RAD52: variants seen among roughly 807,000 people sequenced by gnomAD.
RAD52 encodes RAD52 DNA repair protein.
A neutral mutation model predicts 55.5 loss-of-function variants in RAD52; 47 were observed. The ratio of observed to expected loss-of-function variants is 0.85; its 90% CI spans 0.67 to 1.08. RAD52 has a LOEUF of 1.08. Among genes scored for constraint, RAD52 ranks in the 50% least tolerant of loss-of-function variants. RAD52 has a pLI of 0.00. For synonymous variants in RAD52, 184 were observed against 198.9 expected (o/e 0.92, Z 0.63); for missense variants, 468 against 522.8 (o/e 0.90, Z 1.02).
chr12:928,656 T>A (rs1957169582), intron 5 of RAD52, among the ~76,000 whole-genome samples: 1 of 152,164 alleles, frequency 6.6e-6, no homozygotes, highest in Non-Finnish European at 1.5e-5. Context: ...TTTATTTTTG[T>A]GGCAAGATTT....
intron 1 of RAD52, among the ~76,000 whole-genome samples, chr12:980,197 G>A (rs112978360): frequency 0.033 from 4,966 of 151,994 alleles, 99 homozygotes; most frequent in South Asian, 0.089. Context: ...CTTGGCCAGC[G>A]GGGGGTGGAA....
intron 1 of RAD52, among the ~76,000 whole-genome samples, chr12:964,504 G>A (rs1256667047): frequency 6.6e-6 from 1 of 152,008 alleles, no homozygotes; most frequent in Non-Finnish European, 1.5e-5. Context: ...GGAAGTGGAG[G>A]TGGCGGTGAT....
At position 939,085 on chromosome 12, in the gene RAD52, T is replaced by TGTGTGTGTGTGTGTGTGTAG. The variant is rs57206780; in HGVS notation, c.-18-6010_-18-6009insCTACACACACACACACACAC. Among the ~76,000 whole-genome samples, 772 of 144,698 alleles carry TGTGTGTGTGTGTGTGTGTAG rather than the reference T, an allele frequency of 5.3e-3. 5 individuals carry two copies. Among genetic ancestry groups the TGTGTGTGTGTGTGTGTGTAG allele is most frequent in the Middle Eastern group, 0.01 (3 of 286 alleles). 94.9% of individuals were successfully genotyped at this position (144,698 alleles called of 152,430 possible). On this transcript the variant is annotated intron_variant, in intron 1 of 11. Transcript: ENST00000358495. ...GTGTGTGTGTGTGTGTGTGTGTGTG[T>TGTGTGTGTGTGTGTGTGTAG]AGAGAGAGAGAAAAAGGCAAGTAGA... is the stretch of plus-strand genomic sequence containing the variant.
chr12:986,204 G>C (rs1203115085), intron 1 of RAD52, among the ~76,000 whole-genome samples: 3 of 152,088 alleles, frequency 2.0e-5, no homozygotes, highest in African/African-American at 7.2e-5. Context: ...AAAGTGCTGG[G>C]ATTACAGGTG....
chr12:976,597 C>T (rs61917246), intron 1 of RAD52: 33,627 of 152,090 alleles, frequency 0.22, 4,505 homozygotes, highest in Non-Finnish European at 0.31. Flanking sequence ...CAGATATGAG[C>T]GTGAATGAAT....
At chr12:951,109 A>ATT (rs948352510), upstream of RAD52, among the ~76,000 whole-genome samples, 1 of 150,560 alleles carries the variant, frequency 6.6e-6, no homozygotes, top group Non-Finnish European at 1.5e-5. Context: ...TTGATAAATG[A>ATT]TTTTTTTTTT....
chr12:914,236 T>C (rs1956239180), intron 10 of RAD52, 115 bp from the exon 11 acceptor site: 2 of 1,297,136 alleles, frequency 1.5e-6, no homozygotes, highest in Non-Finnish European at 2.1e-6. Flanking sequence ...TGAAAGTTTT[T>C]GGAATTTCTC....
Position 913,287 on chromosome 12 carries a change from G to T in RAD52, c.*104C>A. On this transcript the variant is annotated 3_prime_UTR_variant, in exon 12 of 12. Coordinates refer to ENST00000358495, the MANE Select transcript of RAD52 (RefSeq NM_134424.4). ...GGTTCAGAATGAAGCAAGATAAATCGCAATGACGTTCATTCTCCAGCAGCG... is the reference window on the plus strand; with the variant it reads ...GGTTCAGAATGAAGCAAGATAAATCTCAATGACGTTCATTCTCCAGCAGCG... 1.2e-6 allele frequency: 1 copy of T among 865,058 alleles called. No homozygotes were observed. Among genetic ancestry groups the T allele is most frequent in the Non-Finnish European group, 1.9e-6 (1 of 534,876 alleles). The allele number at this position is 865,058 out of a possible 1,614,324, so 53.6% of individuals were successfully genotyped here. A position where few individuals can be genotyped will look rare whatever the true frequency, so the allele number is the denominator to read the frequency against.
chr12:935,597 TA>T (rs1485553837), intron 1 of RAD52, among the ~76,000 whole-genome samples: 3 of 151,672 alleles, frequency 2.0e-5, no homozygotes, highest in Non-Finnish European at 4.4e-5. Flanking sequence ...CTCACGCCTG[TA>T]ATCCCAACAC....
Position 914,124 on chromosome 12 carries a change from A to G in RAD52, c.968-3T>C. ...TTCAGAGTTGTCTTCAAGAGTCTCT[A>G]CAGAGGTCAAGGAAAAGTGCGTCAT... On this transcript the variant is annotated splice_polypyrimidine_tract_variant and splice_region_variant and intron_variant, in intron 10 of 11. Transcript: ENST00000358495. The G allele has an allele frequency of 1.2e-6, 2 of 1,612,162 alleles. No individual in the cohort carries two copies. The highest frequency in any genetic ancestry group is 1.7e-6 in the Non-Finnish European group (2 of 1,178,246).
At chr12:954,107 C>T (rs896619087), upstream of RAD52, among the ~76,000 whole-genome samples, 2 of 152,158 alleles carry the variant, frequency 1.3e-5, no homozygotes, top group African/African-American at 4.8e-5. Flanking sequence ...TTAAGCACTT[C>T]CTGTGCATGC....
rs760863126 is a variant in RAD52, at chr12:913,406, T to C, written c.1242A>G (p.Lys414=). ...HRKSQDMKKR[K]YDPS ...TGAGCCTCAGTTAAGATGGATCATA[T>C]TTCCTTTTCTTCATGTCCTGGCTCT... Residue 414 remains lysine, a synonymous_variant, in exon 12 of 12, where the codon AAA becomes AAG. Coordinates refer to ENST00000358495, the MANE Select transcript of RAD52 (RefSeq NM_134424.4). 1.2e-6 allele frequency: 2 copies of C among 1,607,804 alleles called. No homozygotes were observed. The highest frequency in any genetic ancestry group is 2.2e-5 in the South Asian group (2 of 90,910).
chr12:980,954 T>C (rs550190898), intron 1 of RAD52, among the ~76,000 whole-genome samples: 10 of 152,234 alleles, frequency 6.6e-5, no homozygotes, highest in Admixed American at 2.0e-4. Context: ...ACATATAAAA[T>C]GCATTTATCC....
upstream of RAD52, among the ~76,000 whole-genome samples, chr12:954,304 T>C (rs953589834): frequency 2.0e-5 from 3 of 152,202 alleles, no homozygotes; most frequent in African/African-American, 4.8e-5. Flanking sequence ...ACTTTGTCCA[T>C]AGTGTCATTT....
chr12:932,613 C>CA (rs1683036454), intron 2 of RAD52, among the ~76,000 whole-genome samples: 2 of 152,026 alleles, frequency 1.3e-5, no homozygotes, highest in Non-Finnish European at 1.5e-5. Flanking sequence ...TCCCCCCCCA[C>CA]AAAAAATTTA....
chr12:913,538 C>A, intron 11 of RAD52, 86 bp from the exon 12 acceptor site: 2 of 1,071,950 alleles, frequency 1.9e-6, no homozygotes, highest in Non-Finnish European at 2.8e-6. Context: ...TATTAATGAT[C>A]CTAATTTAGA....
intron 7 of RAD52, among the ~76,000 whole-genome samples, chr12:917,672 G>T (rs1419033645): frequency 6.6e-6 from 1 of 150,376 alleles, no homozygotes; most frequent in Non-Finnish European, 1.5e-5. Context: ...TGAGTCCAGG[G>T]GTTCAAGACC....
rs10849584 is a variant in RAD52 at position 911,993 on chromosome 12, C to T, written c.*1398G>A. On this transcript the variant is annotated 3_prime_UTR_variant, in exon 12 of 12. Coordinates refer to ENST00000358495, the MANE Select transcript of RAD52 (RefSeq NM_134424.4). ...GAGTCAAGATGGCACCGCTGCACTC[C>T]AGCCTGCGCTACAGAGCCAGACCCC... 82,336 of 196,622 alleles carry T rather than the reference C, an allele frequency of 0.42. 17,698 individuals carry two copies. Among genetic ancestry groups the T allele is most frequent in the East Asian group, 0.51 (6,520 of 12,732 alleles). 12.2% of individuals were successfully genotyped at this position (196,622 alleles called of 1,614,324 possible).
intron 1 of RAD52, among the ~76,000 whole-genome samples, chr12:988,794 G>A (rs1020029974): frequency 2.0e-5 from 3 of 152,140 alleles, no homozygotes; most frequent in Middle Eastern, 3.2e-3. Context: ...ACTCACTACT[G>A]TAAGAATGAC....
Sources: gnomAD v4.1 joint callset for allele counts (sites outside exome capture counted in the v4.1 genomes callset) on GRCh38, gnomAD v4.1.1 for gene constraint, MANE v1.5 for transcripts, NCBI Gene and HGNC (gene_info 2026-07-23, HGNC 2026-07-21) for gene names.